RBFOX1: variants seen among roughly 807,000 people sequenced by gnomAD.
The protein encoded by RBFOX1 is RNA binding fox-1 homolog 1.
RBFOX1 carries 8 observed loss-of-function variants against 57.7 expected under a neutral mutation model. That is an observed-to-expected ratio of 0.14 (90% CI 0.08 to 0.25). RBFOX1 has a LOEUF of 0.25. RBFOX1 is among the 10% of genes least tolerant of loss of function. RBFOX1 has a pLI of 1.00. For missense variants in RBFOX1, 611 were observed against 548.5 expected, an observed-to-expected ratio of 1.11 and a Z score of -1.14; for synonymous variants, 326 against 222.4, an observed-to-expected ratio of 1.47 and a Z score of -4.15.
At chr16:7,700,554 T>C (rs1166772048) in intron 14 of RBFOX1, among the ~76,000 whole-genome samples, 4 of 152,292 alleles carry the variant, frequency 2.6e-5, no homozygotes, top group Non-Finnish European at 2.9e-5. Flanking sequence ...TGGGGTGCCA[T>C]GGTGATTTCA....
At chr16:6,546,299 G>A (rs183721353) in intron 2 of RBFOX1, among the ~76,000 whole-genome samples, 1 of 152,266 alleles carries the variant, frequency 6.6e-6, no homozygotes, top group East Asian at 1.9e-4. Context: ...GCTCTTCCTT[G>A]CCTAATCTGC....
rs139199637 is a variant in RBFOX1 at position 5,995,622 on chromosome 16, C to G, written c.351+128287C>G. Among the ~76,000 whole-genome samples the G allele has an allele frequency of 4.5e-4, 69 of 152,296 alleles. 1 individual carries two copies. Among genetic ancestry groups the G allele is most frequent in the African/African-American group, 1.5e-3 (64 of 41,562 alleles). ...ATTCAATTTTCTAAAATAGAATGGA[C>G]AGACAGAAATCCTGGATGCTACAAG... On this transcript the variant is annotated intron_variant, in intron 4 of 19. Transcript: ENST00000641259.
At chr16:7,156,321 C>A (rs1215982859) in intron 4 of RBFOX1, among the ~76,000 whole-genome samples, 1 of 148,836 alleles carries the variant, frequency 6.7e-6, no homozygotes, top group East Asian at 2.0e-4. Context: ...CATATATAGA[C>A]TTGCAGCATA....
At chr16:7,363,608 G>T (rs1371671966) in intron 4 of RBFOX1, among the ~76,000 whole-genome samples, 1 of 152,112 alleles carries the variant, frequency 6.6e-6, no homozygotes, top group East Asian at 1.9e-4. Flanking sequence ...GCTGGGGAAA[G>T]GTCATCATGA....
At chr16:6,707,409 C>G (rs1464530809) in intron 3 of RBFOX1, among the ~76,000 whole-genome samples, 1 of 151,494 alleles carries the variant, frequency 6.6e-6, no homozygotes, top group Non-Finnish European at 1.5e-5. Context: ...GTTAACAGCT[C>G]CTACAATTGT....
chr16:7,133,267 A>G (rs2071015903), intron 4 of RBFOX1, among the ~76,000 whole-genome samples: 2 of 152,170 alleles, frequency 1.3e-5, no homozygotes, highest in African/African-American at 2.4e-5. Context: ...TGAACAAGAT[A>G]TTGTTTTGTA....
intron 2 of RBFOX1, among the ~76,000 whole-genome samples, chr16:6,474,448 G>A (rs967915355): frequency 1.3e-5 from 2 of 152,202 alleles, no homozygotes; most frequent in African/African-American, 4.8e-5. Context: ...TTGTGCAGAA[G>A]CTGTTGTTCA....
At chr16:7,485,172 GGACAGGTGTGTTCACT>G (rs775065639) in intron 4 of RBFOX1, among the ~76,000 whole-genome samples, 4 of 152,068 alleles carry the variant, frequency 2.6e-5, no homozygotes, top group South Asian at 2.1e-4. Context: ...AATAATCAAG[GGACAGGTGTGTTCACT>G]GACCTACCTG....
At chr16:7,508,393 C>G (rs748401510) in intron 4 of RBFOX1, among the ~76,000 whole-genome samples, 1 of 152,122 alleles carries the variant, frequency 6.6e-6, no homozygotes, top group Non-Finnish European at 1.5e-5. Context: ...GGTTGAAGGA[C>G]AGAAGTTGGC....
At chr16:6,517,192 A>G (rs2096397160) in intron 2 of RBFOX1, among the ~76,000 whole-genome samples, 2 of 152,106 alleles carry the variant, frequency 1.3e-5, no homozygotes, top group South Asian at 4.1e-4. Flanking sequence ...CTGACAAGCC[A>G]CTTTATGGAA....
intron 1 of RBFOX1, among the ~76,000 whole-genome samples, chr16:5,314,628 G>A (rs561252428): frequency 6.6e-6 from 1 of 152,230 alleles, no homozygotes; most frequent in African/African-American, 2.4e-5. Context: ...AGCCTCCCTA[G>A]TAGCTGGGAC....
intron 4 of RBFOX1, among the ~76,000 whole-genome samples, chr16:5,900,532 G>A (rs535081211): frequency 6.6e-6 from 1 of 152,212 alleles, no homozygotes; most frequent in Non-Finnish European, 1.5e-5. Context: ...AAATCCACCA[G>A]GAGACCTTTG....
chr16:6,621,473 AAAC>A (rs75290104), intron 2 of RBFOX1, among the ~76,000 whole-genome samples: 15 of 151,558 alleles, frequency 9.9e-5, no homozygotes, highest in South Asian at 4.2e-4. Context: ...CAAAACAAAC[AAAC>A]AACAACAACA....
intron 3 of RBFOX1, among the ~76,000 whole-genome samples, chr16:5,711,639 A>T (rs1445928806): frequency 6.6e-6 from 1 of 152,208 alleles, no homozygotes; most frequent in Non-Finnish European, 1.5e-5. Context: ...GGGACTGGGG[A>T]GGTGAACTGG....
intron 2 of RBFOX1, among the ~76,000 whole-genome samples, chr16:6,448,652 T>C (rs1340104161): frequency 6.6e-6 from 1 of 152,106 alleles, no homozygotes; most frequent in African/African-American, 2.4e-5. Context: ...GAGGACAAAA[T>C]CACCCCTGAT....
intron 1 of RBFOX1, among the ~76,000 whole-genome samples, chr16:6,183,290 G>A (rs1318747592): frequency 2.0e-5 from 3 of 151,756 alleles, no homozygotes; most frequent in Non-Finnish European, 2.9e-5. Flanking sequence ...ACCATCCTGG[G>A]TAACAAGGTG....
intron 3 of RBFOX1, among the ~76,000 whole-genome samples, chr16:5,864,564 A>G (rs2057300939): frequency 7.0e-6 from 1 of 143,816 alleles, no homozygotes; most frequent in South Asian, 2.2e-4. Flanking sequence ...TTTTTTTTAG[A>G]AAATGGTATC....
At chr16:6,511,296 C>T (rs1404148328) in intron 2 of RBFOX1, among the ~76,000 whole-genome samples, 2 of 152,174 alleles carry the variant, frequency 1.3e-5, no homozygotes, top group Non-Finnish European at 2.9e-5. Flanking sequence ...TGTGCTGGTT[C>T]ACTTTGGCTT....
At chr16:7,466,130 C>T (rs781099465) in intron 4 of RBFOX1, among the ~76,000 whole-genome samples, 1 of 152,154 alleles carries the variant, frequency 6.6e-6, no homozygotes, top group South Asian at 2.1e-4. Context: ...TTTTAGGCAA[C>T]AGTGAACACC....
Sources: gnomAD v4.1 joint callset for allele counts (sites outside exome capture counted in the v4.1 genomes callset) on GRCh38, gnomAD v4.1.1 for gene constraint, MANE v1.5 for transcripts, NCBI Gene and HGNC (gene_info 2026-07-23, HGNC 2026-07-21) for gene names.